The following MAPRE3 variants were observed in gnomAD, a reference collection of about 807,000 sequenced individuals.
The protein encoded by MAPRE3 is microtubule associated protein RP/EB family member 3, also known as microtubule-associated protein RP/EB family member 3.
Under a neutral mutation model 30.5 loss-of-function variants are expected in MAPRE3, and 2 were observed. That is an observed-to-expected ratio of 0.07 (90% CI 0.03 to 0.21). The LOEUF (loss-of-function observed/expected upper bound fraction) is 0.21, where lower values mean the gene tolerates loss of function less well. Among genes scored for constraint, MAPRE3 ranks in the 10% least tolerant of loss-of-function variants. MAPRE3 has a pLI of 1.00. For missense variants in MAPRE3, 204 were observed against 351.8 expected (o/e 0.58, Z 3.36); for synonymous variants, 110 against 127.7 (o/e 0.86, Z 0.93).
At chr2:27,014,582 C>T (rs1666940473) in intron 1 of MAPRE3, 1 of 152,416 alleles carries the variant, frequency 6.6e-6, no homozygotes, top group Non-Finnish European at 1.5e-5. Flanking sequence ...CCTGCAAATA[C>T]TCCACTTGCC....
chr2:27,000,203 A>G (rs1458580057), intron 1 of MAPRE3, among the ~76,000 whole-genome samples: 3 of 152,250 alleles, frequency 2.0e-5, no homozygotes, highest in African/African-American at 7.2e-5. Context: ...AAACAATAAA[A>G]GAAATTTTAG....
intron 1 of MAPRE3, among the ~76,000 whole-genome samples, chr2:26,997,203 G>T (rs959260816): frequency 1.3e-5 from 2 of 152,136 alleles, no homozygotes; most frequent in Non-Finnish European, 2.9e-5. Flanking sequence ...GAGGGTGGGG[G>T]TTGGTTTCAG....
chr2:26,990,422 C>T (rs1362284648), intron 1 of MAPRE3, among the ~76,000 whole-genome samples: 1 of 152,164 alleles, frequency 6.6e-6, no homozygotes, highest in Non-Finnish European at 1.5e-5. Context: ...CTAGGTTACA[C>T]ATCACTTCTT....
chr2:27,023,786 G>T (rs940826275), intron 3 of MAPRE3: 3 of 504,126 alleles, frequency 6.0e-6, no homozygotes. Flanking sequence ...GCCCAAGAAA[G>T]TGTCTCTGCT....
At chr2:26,990,285 C>T (rs1227602695) in intron 1 of MAPRE3, among the ~76,000 whole-genome samples, 2 of 152,214 alleles carry the variant, frequency 1.3e-5, no homozygotes, top group Non-Finnish European at 2.9e-5. Flanking sequence ...TCCACACCCC[C>T]TCCTATGCGC....
chr2:27,003,185 G>A (rs536719498), intron 1 of MAPRE3: 2 of 152,772 alleles, frequency 1.3e-5, no homozygotes, highest in Admixed American at 1.3e-4. Context: ...AGCCATGGGT[G>A]AGACAGAAGG....
At chr2:27,018,660 C>T (rs961473155) in intron 1 of MAPRE3, among the ~76,000 whole-genome samples, 2 of 152,314 alleles carry the variant, frequency 1.3e-5, no homozygotes, top group African/African-American at 2.4e-5. Flanking sequence ...ACCCTACCCA[C>T]TCTGCCCCTT....
chr2:26,990,646 A>G (rs1666318348), intron 1 of MAPRE3, among the ~76,000 whole-genome samples: 1 of 152,250 alleles, frequency 6.6e-6, no homozygotes, highest in African/African-American at 2.4e-5. Context: ...GAAAGGTCTG[A>G]GGAATATACA....
intron 1 of MAPRE3, among the ~76,000 whole-genome samples, chr2:27,005,838 C>G (rs1666712700): frequency 6.6e-6 from 1 of 152,160 alleles, no homozygotes. Context: ...CAGTGAGCAA[C>G]AAATATTGTA....
rs1286135753 is a variant in MAPRE3 at position 27,025,675 on chromosome 2, C to A, written c.562C>A (p.Pro188Thr). Residue 188 changes from proline (P) to threonine (T), a missense_variant, in exon 5 of 7, where the codon CCT (proline) becomes ACT (threonine). Coordinates refer to ENST00000233121, the MANE Select transcript of MAPRE3 (RefSeq NM_012326.4). Reference sequence around the variant, plus strand: ...CCCCCCCTGCATTCTCCGGAAGAATCCTCCATCAGCCCGAAATGGCGGCCA... The same window carrying A: ...CCCCCCCTGCATTCTCCGGAAGAATACTCCATCAGCCCGAAATGGCGGCCA... ...VAPPCILRKNPPSARNGGHET... is the reference protein window; with the variant it reads ...VAPPCILRKNTPSARNGGHET... The A allele has an allele frequency of 6.2e-7, 1 of 1,613,718 alleles. No homozygotes were observed. The highest frequency in any genetic ancestry group is 1.7e-5 in the Admixed American group (1 of 59,958).
chr2:27,005,999 G>A (rs1293705600), intron 1 of MAPRE3, among the ~76,000 whole-genome samples: 1 of 152,100 alleles, frequency 6.6e-6, no homozygotes, highest in South Asian at 2.1e-4. Flanking sequence ...TTGCTAACAC[G>A]GTGAAACCCC....
chr2:26,993,476 T>C (rs1268393441), intron 1 of MAPRE3, among the ~76,000 whole-genome samples: 1 of 152,214 alleles, frequency 6.6e-6, no homozygotes, highest in Non-Finnish European at 1.5e-5. Context: ...TCAGGCTGTT[T>C]GGTGTCAAAA....
intron 1 of MAPRE3, among the ~76,000 whole-genome samples, chr2:26,989,760 A>C (rs1666296846): frequency 6.6e-6 from 1 of 152,180 alleles, no homozygotes; most frequent in African/African-American, 2.4e-5. Flanking sequence ...CTTATGAAGG[A>C]TGGTGTGAAT....
At chr2:26,989,600 G>A (rs916124218) in intron 1 of MAPRE3, among the ~76,000 whole-genome samples, 1 of 152,152 alleles carries the variant, frequency 6.6e-6, no homozygotes, top group Admixed American at 6.5e-5. Context: ...CAGATGAAAG[G>A]TGATATAAAA....
intron 1 of MAPRE3, among the ~76,000 whole-genome samples, chr2:26,972,645 G>A (rs754921654): frequency 8.5e-5 from 13 of 152,326 alleles, no homozygotes; most frequent in Non-Finnish European, 1.2e-4. Context: ...CAGCTGTACT[G>A]GAGAGCTGCT....
At chr2:26,987,080 C>T (rs1453936079) in intron 1 of MAPRE3, among the ~76,000 whole-genome samples, 1 of 152,172 alleles carries the variant, frequency 6.6e-6, no homozygotes, top group Non-Finnish European at 1.5e-5. Context: ...TCCCATTCTG[C>T]TCCTGCCTAT....
In MAPRE3 at chr2:26,985,147, A is replaced by G. The variant is rs958488724; in HGVS notation, c.-8+14345A>G. ...AATTCTTCCTTTTTCTTTAGCCTCA[A>G]TATCATTTGCTTAGTACCGTTTAGG... On this transcript the variant is annotated intron_variant, in intron 1 of 6. Coordinates refer to ENST00000233121, the MANE Select transcript of MAPRE3 (RefSeq NM_012326.4). The surrounding 1 kb of genome is among the most constrained non-coding windows in gnomAD (Gnocchi z 4.2). Among the ~76,000 whole-genome samples, 2 of 152,150 alleles carry G rather than the reference A, an allele frequency of 1.3e-5. No individual in the cohort carries two copies. Among genetic ancestry groups the G allele is most frequent in the South Asian group, 4.1e-4 (2 of 4,822 alleles).
rs566741903 is a variant in MAPRE3 at position 26,990,815 on chromosome 2, C to G, written c.-8+20013C>G. ...GGAAGAATCAACTGCTGTTATAGCTCTAGTATATCATGTTATGGTTGCATG... is the reference window on the plus strand; with the variant it reads ...GGAAGAATCAACTGCTGTTATAGCTGTAGTATATCATGTTATGGTTGCATG... On this transcript the variant is annotated intron_variant, in intron 1 of 6. Coordinates refer to ENST00000233121, the MANE Select transcript of MAPRE3 (RefSeq NM_012326.4). Among the ~76,000 whole-genome samples the G allele has an allele frequency of 5.3e-5, 8 of 152,196 alleles. No individual in the cohort carries two copies. In the South Asian group the frequency reaches 1.7e-3, roughly 32 times the overall value.
At chr2:27,004,332 T>G (rs1666674541) in intron 1 of MAPRE3, among the ~76,000 whole-genome samples, 1 of 152,180 alleles carries the variant, frequency 6.6e-6, no homozygotes, top group Non-Finnish European at 1.5e-5. Context: ...AAAGTTTACT[T>G]TCTGAATTCT....
Sources: gnomAD v4.1 joint callset for allele counts (sites outside exome capture counted in the v4.1 genomes callset) on GRCh38, gnomAD v4.1.1 for gene constraint, Gnocchi (gnomAD v3.1) non-coding constraint, MANE v1.5 for transcripts, NCBI Gene and HGNC (gene_info 2026-07-23, HGNC 2026-07-21) for gene names.